Variants in BLTP3B observed in about 807,000 individuals in gnomAD.
BLTP3B encodes the protein bridge-like lipid transfer protein family member 3B.
At chr12:100,123,933 C>T in the BLTP3B span, among the ~76,000 whole-genome samples, 1 of 152,046 alleles carries the variant, frequency 6.6e-6, no homozygotes, top group African/African-American at 2.4e-5. Context: ...TACTATTTGG[C>T]CCACACAGTG....
chr12:100,136,160 G>A, the BLTP3B span, among the ~76,000 whole-genome samples: 9,888 of 150,310 alleles, frequency 0.066, 389 homozygotes, highest in African/African-American at 0.081. Flanking sequence ...GCAGTGAGCT[G>A]AGATTGCTCC....
At chr12:100,128,725 G>A in the BLTP3B span, 3 of 1,287,334 alleles carry the variant, frequency 2.3e-6, no homozygotes, top group East Asian at 5.6e-5. Context: ...AGCAGGGAAC[G>A]CTGCAGGGAA....
chr12:100,081,015 G>A, the BLTP3B span, among the ~76,000 whole-genome samples: 88 of 152,236 alleles, frequency 5.8e-4, no homozygotes, highest in African/African-American at 2.0e-3. Flanking sequence ...GAGATCTGAT[G>A]GTTTTAAAAA....
chr12:100,040,073 G>T, the BLTP3B span, among the ~76,000 whole-genome samples: 1 of 152,058 alleles, frequency 6.6e-6, no homozygotes, highest in Non-Finnish European at 1.5e-5. Context: ...CGATTTAATA[G>T]ATTTAATTTA....
chr12:100,115,928 G>A, the BLTP3B span, among the ~76,000 whole-genome samples: 2 of 152,086 alleles, frequency 1.3e-5, no homozygotes, highest in Non-Finnish European at 1.5e-5. Flanking sequence ...TGTAATCCCA[G>A]CACTTTAAGG....
chr12:100,096,753 C>T, the BLTP3B span, among the ~76,000 whole-genome samples: 6 of 151,642 alleles, frequency 4.0e-5, no homozygotes, highest in South Asian at 2.1e-4. Context: ...CCCAGGAGTT[C>T]GAGGCTGCAG....
chr12:100,042,711 C>T, the BLTP3B span, among the ~76,000 whole-genome samples: 1 of 152,216 alleles, frequency 6.6e-6, no homozygotes, highest in Non-Finnish European at 1.5e-5. Flanking sequence ...CCATGGCTGT[C>T]ATCAGTCAGC....
chr12:100,059,050 T>C, the BLTP3B span: 682 of 1,614,136 alleles, frequency 4.2e-4, 2 homozygotes, highest in African/African-American at 8.0e-3. Context: ...TGATTACAAG[T>C]CTGCGGCTCT....
chr12:100,050,964 G>A, the BLTP3B span: 2 of 1,377,696 alleles, frequency 1.5e-6, no homozygotes, highest in Non-Finnish European at 1.9e-6. Flanking sequence ...AAATTGAATT[G>A]CCCACCATCT....
the BLTP3B span, chr12:100,084,413 C>T: frequency 3.3e-6 from 4 of 1,210,060 alleles, no homozygotes; most frequent in South Asian, 1.4e-5. Context: ...CACACACACA[C>T]ACACACACAC....
the BLTP3B span, among the ~76,000 whole-genome samples, chr12:100,120,369 T>A: frequency 6.6e-6 from 1 of 151,118 alleles, no homozygotes; most frequent in East Asian, 1.9e-4. Flanking sequence ...CAAGATTCCA[T>A]CTCAAAAAAG....
chr12:100,093,081 A>C, the BLTP3B span: 1 of 445,716 alleles, frequency 2.2e-6, no homozygotes, highest in Non-Finnish European at 3.0e-6. Flanking sequence ...ATTATACAAC[A>C]TGTTTCATAT....
the BLTP3B span, among the ~76,000 whole-genome samples, chr12:100,040,977 G>T: frequency 6.6e-6 from 1 of 152,048 alleles, no homozygotes; most frequent in Non-Finnish European, 1.5e-5. Context: ...GTATTACCCT[G>T]ATATCAAATC....
At chr12:100,039,616 A>C in the BLTP3B span, 5 of 1,613,090 alleles carry the variant, frequency 3.1e-6, no homozygotes, top group African/African-American at 6.7e-5. Flanking sequence ...GTGAAGTCAA[A>C]GGAGAACTCA....
At chr12:100,100,648 G>C in the BLTP3B span, among the ~76,000 whole-genome samples, 1 of 151,998 alleles carries the variant, frequency 6.6e-6, no homozygotes, top group African/African-American at 2.4e-5. Context: ...GGAGGTCAAG[G>C]CTGCAGTGAG....
chr12:100,082,896 TG>T, the BLTP3B span: 1 of 685,632 alleles, frequency 1.5e-6, no homozygotes. Context: ...CCATCTAATA[TG>T]GCCATTTCAT....
the BLTP3B span, among the ~76,000 whole-genome samples, chr12:100,046,473 A>G: frequency 6.6e-6 from 1 of 151,866 alleles, no homozygotes; most frequent in African/African-American, 2.4e-5. Flanking sequence ...AACTACCGCA[A>G]GGACAGAAAA....
chr12:100,052,814 GAC>G, the BLTP3B span, among the ~76,000 whole-genome samples: 2 of 85,064 alleles, frequency 2.4e-5, no homozygotes, highest in South Asian at 7.1e-4. Context: ...TTTTTTTTAA[GAC>G]AGAGTCTCGC....
chr12:100,058,552 T>C, the BLTP3B span: 4 of 1,612,260 alleles, frequency 2.5e-6, no homozygotes, highest in Admixed American at 6.7e-5. Context: ...TGTTTTCTTT[T>C]TGAAGACAAA....
Sources: allele counts gnomAD v4.1 joint callset (sites outside exome capture counted in the v4.1 genomes callset), GRCh38; gene constraint gnomAD v4.1.1; transcripts MANE v1.5; gene names NCBI Gene and HGNC (gene_info 2026-07-23, HGNC 2026-07-21).